Variants in SUCLG2 observed in about 807,000 individuals in gnomAD.
SUCLG2 encodes the protein succinate--CoA ligase [GDP-forming] subunit beta, mitochondrial.
A neutral mutation model predicts 47.9 loss-of-function variants in SUCLG2; 42 were observed. The ratio of observed to expected loss-of-function variants is 0.88; its 90% CI spans 0.69 to 1.14. SUCLG2 has a LOEUF of 1.14. Ranked by LOEUF, SUCLG2 falls within the 50% of genes most tolerant of loss-of-function variation. SUCLG2 has a pLI of 0.00. For missense variants in SUCLG2, 571 were observed against 525.9 expected, an observed-to-expected ratio of 1.09 and a Z score of -0.84; for synonymous variants, 195 against 197.3, an observed-to-expected ratio of 0.99 and a Z score of 0.10.
intron 9 of SUCLG2, among the ~76,000 whole-genome samples, chr3:67,403,884 A>C (rs1259280594): frequency 6.6e-6 from 1 of 151,870 alleles, no homozygotes; most frequent in Non-Finnish European, 1.5e-5. Context: ...CTTCCTTTTT[A>C]GTTTATTTAT....
At chr3:67,464,402 A>G (rs1401755310) in intron 9 of SUCLG2, among the ~76,000 whole-genome samples, 1 of 152,192 alleles carries the variant, frequency 6.6e-6, no homozygotes, top group Non-Finnish European at 1.5e-5. Context: ...CATTTCTTTC[A>G]AATGGGACAT....
At chr3:67,634,037 T>C (rs935530492) in intron 1 of SUCLG2, among the ~76,000 whole-genome samples, 2 of 152,212 alleles carry the variant, frequency 1.3e-5, no homozygotes, top group Non-Finnish European at 2.9e-5. Context: ...TCAGATGTGG[T>C]TGAATACAGA....
At chr3:67,591,736 C>A (rs933448985) in intron 2 of SUCLG2, among the ~76,000 whole-genome samples, 6 of 152,126 alleles carry the variant, frequency 3.9e-5, no homozygotes, top group African/African-American at 1.4e-4. Flanking sequence ...AGCATAAAAA[C>A]GGACTAATAC....
intron 1 of SUCLG2, among the ~76,000 whole-genome samples, chr3:67,642,685 C>G (rs763528129): frequency 2.0e-5 from 3 of 152,166 alleles, no homozygotes; most frequent in Non-Finnish European, 2.9e-5. Flanking sequence ...CTAGGGCTGC[C>G]ATGAATACTC....
rs140803106 is a variant in SUCLG2, at chr3:67,648,583, C to T, written c.84+5920G>A. On this transcript the variant is annotated intron_variant, in intron 1 of 10. Transcript: ENST00000307227. ...CTATAGGGCCTCTCTATGCCTCTGACTGCTTCTATAAAACATGGAGACTGT... is the reference window on the plus strand; with the variant it reads ...CTATAGGGCCTCTCTATGCCTCTGATTGCTTCTATAAAACATGGAGACTGT... Among the ~76,000 whole-genome samples the T allele has an allele frequency of 5.8e-3, 880 of 152,322 alleles. 10 individuals carry two copies. The highest frequency in any genetic ancestry group is 0.02 in the African/African-American group (814 of 41,574).
At chr3:67,481,025 G>GT (rs57632637) in intron 9 of SUCLG2, among the ~76,000 whole-genome samples, 2 of 151,722 alleles carry the variant, frequency 1.3e-5, no homozygotes, top group African/African-American at 2.4e-5. Context: ...TTATGACACT[G>GT]TTTTTTTTAC....
chr3:67,628,188 T>C (rs549596901), intron 1 of SUCLG2, among the ~76,000 whole-genome samples: 1 of 152,338 alleles, frequency 6.6e-6, no homozygotes, highest in South Asian at 2.1e-4. Flanking sequence ...TACTTTCTTA[T>C]GTGTACTAAT....
chr3:67,550,983 A>G (rs887295543), intron 2 of SUCLG2, among the ~76,000 whole-genome samples: 1 of 152,242 alleles, frequency 6.6e-6, no homozygotes, highest in African/African-American at 2.4e-5. Flanking sequence ...ATACTTATAC[A>G]TATCAAGTAA....
In SUCLG2 at chr3:67,451,155, T is replaced by C. The variant is rs555343882; in HGVS notation, c.1062+44643A>G. Among the ~76,000 whole-genome samples, 22 of 152,332 alleles carry C rather than the reference T, an allele frequency of 1.4e-4. No individual in the cohort carries two copies. In the East Asian group the frequency reaches 3.5e-3, roughly 24 times the overall value. ...TTTGCAGTGGCCTCCACTCAGCCCATGTACATTTCTTCTAACACCTTTCAC... is the reference window on the plus strand; with the variant it reads ...TTTGCAGTGGCCTCCACTCAGCCCACGTACATTTCTTCTAACACCTTTCAC... On this transcript the variant is annotated intron_variant, in intron 9 of 10. Transcript: ENST00000307227.
chr3:67,408,993 G>A, intron 9 of SUCLG2: 1 of 1,535,414 alleles, frequency 6.5e-7, no homozygotes. Context: ...TCTGAGTCCT[G>A]TATTCTGGTG....
intron 9 of SUCLG2, among the ~76,000 whole-genome samples, chr3:67,439,746 G>C (rs1175872483): frequency 1.3e-5 from 2 of 152,114 alleles, no homozygotes; most frequent in Admixed American, 1.3e-4. Context: ...CAAACAAATG[G>C]AAAAACATTC....
chr3:67,451,479 T>C (rs1704055540), intron 9 of SUCLG2, among the ~76,000 whole-genome samples: 1 of 152,214 alleles, frequency 6.6e-6, no homozygotes, highest in Non-Finnish European at 1.5e-5. Flanking sequence ...AGATGTTAAA[T>C]AATCCTCAAG....
intron 7 of SUCLG2, among the ~76,000 whole-genome samples, chr3:67,499,765 TC>T (rs1240894485): frequency 6.6e-6 from 1 of 151,974 alleles, no homozygotes; most frequent in African/African-American, 2.4e-5. Flanking sequence ...AGAGTCTCAC[TC>T]TGCTGCCCAG....
chr3:67,374,970 G>C lies in SUCLG2; in HGVS notation c.*774C>G. ...TTGATCTTCAGTGTTGTCTCATCTT[G>C]AAATATCTTAATAACAGAGATTTCC... On this transcript the variant is annotated 3_prime_UTR_variant, in exon 11 of 11. Transcript: ENST00000307227. 2.0e-6 allele frequency: 2 copies of C among 985,730 alleles called. No individual in the cohort carries two copies. The highest frequency in any genetic ancestry group is 2.4e-6 in the Non-Finnish European group (2 of 829,880). 61.1% of individuals were successfully genotyped at this position (985,730 alleles called of 1,614,324 possible).
chr3:67,399,823 C>T (rs1170721948), intron 10 of SUCLG2, among the ~76,000 whole-genome samples: 3 of 152,132 alleles, frequency 2.0e-5, no homozygotes, highest in African/African-American at 7.2e-5. Context: ...TTTCAATAAA[C>T]TATTACCAAT....
At chr3:67,537,783 T>C (rs766469798) in intron 2 of SUCLG2, among the ~76,000 whole-genome samples, 6 of 152,244 alleles carry the variant, frequency 3.9e-5, no homozygotes, top group Admixed American at 1.3e-4. Context: ...TGAGATGATA[T>C]CTCATTGTGG....
intron 7 of SUCLG2, among the ~76,000 whole-genome samples, chr3:67,504,878 A>T (rs1705595977): frequency 6.6e-6 from 1 of 152,236 alleles, no homozygotes. Context: ...AAATAATGAT[A>T]AAACATTGCT....
chr3:67,367,744 C>T lies in SUCLG2; in HGVS notation c.1184-6976G>A, dbSNP rs144043401. On this transcript the variant is annotated intron_variant, in intron 10 of 10. Transcript: ENST00000493112. ...TTTTCCCAGGGAGAGCAAAATTGTCCTTAGTTGAGAGCCACTAATTTATGA... is the reference window on the plus strand; with the variant it reads ...TTTTCCCAGGGAGAGCAAAATTGTCTTTAGTTGAGAGCCACTAATTTATGA... 4.8e-3 allele frequency among the ~76,000 whole-genome samples: 732 copies of T among 152,208 alleles called. 2 individuals are homozygous for T. The highest frequency in any genetic ancestry group is 0.017 in the African/African-American group (697 of 41,530).
intron 1 of SUCLG2, among the ~76,000 whole-genome samples, chr3:67,619,685 G>A (rs1005986426): frequency 1.3e-5 from 2 of 152,174 alleles, no homozygotes; most frequent in African/African-American, 4.8e-5. Context: ...CAGCAGAAAA[G>A]CAGCATATAT....
Sources: gnomAD v4.1 joint callset for allele counts (sites outside exome capture counted in the v4.1 genomes callset) on GRCh38, gnomAD v4.1.1 for gene constraint, MANE v1.5 for transcripts, NCBI Gene and HGNC (gene_info 2026-07-23, HGNC 2026-07-21) for gene names.